HACL1: variants seen among roughly 807,000 people sequenced by gnomAD.
The protein encoded by HACL1 is 1600020H07Rik.
A neutral mutation model predicts 74.2 loss-of-function variants in HACL1; 64 were observed. The observed-to-expected ratio is 0.86, with a 90% confidence interval of 0.70 to 1.06. The LOEUF (loss-of-function observed/expected upper bound fraction) is 1.06. HACL1 is among the 50% of genes least tolerant of loss of function. The pLI, the probability that HACL1 is intolerant of heterozygous loss-of-function variation, is 0.00. For synonymous variants in HACL1, 230 were observed against 238.8 expected (o/e 0.96, Z 0.34); for missense variants, 728 against 719.7 (o/e 1.01, Z -0.13).
chr3:15,592,210 G>A lies in HACL1; in HGVS notation c.228-530C>T, dbSNP rs201874947. ...TACATACGTATATATGTATACATGC[G>A]TGTATATATGTATACATACGTATAT... is the stretch of plus-strand genomic sequence containing the variant. On this transcript the variant is annotated intron_variant, in intron 3 of 16. Coordinates refer to ENST00000321169, the MANE Select transcript of HACL1 (RefSeq NM_012260.4). Among the ~76,000 whole-genome samples, 747 of 113,432 alleles carry A rather than the reference G, an allele frequency of 6.6e-3. 11 individuals are homozygous for A. The highest frequency in any genetic ancestry group is 0.019 in the East Asian group (40 of 2,152). 74.4% of individuals were successfully genotyped at this position (113,432 alleles called of 152,430 possible).
At chr3:15,588,160 C>T (rs1266068334) in intron 5 of HACL1, among the ~76,000 whole-genome samples, 1 of 152,196 alleles carries the variant, frequency 6.6e-6, no homozygotes, top group Non-Finnish European at 1.5e-5. Flanking sequence ...TCCCAAAGTG[C>T]TGTGATTACA....
At chr3:15,570,064 C>T (rs1222495825) in intron 12 of HACL1, among the ~76,000 whole-genome samples, 2 of 151,346 alleles carry the variant, frequency 1.3e-5, no homozygotes, top group African/African-American at 2.4e-5. Context: ...AGGCCAGGCA[C>T]GGTGGCTCAT....
chr3:15,573,950 T>G (rs976484543), intron 10 of HACL1, among the ~76,000 whole-genome samples: 4 of 152,200 alleles, frequency 2.6e-5, no homozygotes, highest in African/African-American at 9.7e-5. Context: ...TCCAGGTAAC[T>G]CTGTCTTGTT....
Position 15,580,030 on chromosome 3 carries a change from T to A in HACL1, c.683A>T (p.His228Leu), listed in dbSNP as rs1443547071. 1 of 1,612,236 alleles carries A rather than the reference T, an allele frequency of 6.2e-7. No homozygotes were observed. Among genetic ancestry groups the A allele is most frequent in the Non-Finnish European group, 8.5e-7 (1 of 1,178,414 alleles). ...LIIGKGAAYA[H>L]AEESIKKLVE... ...CAATTTCTTGATACTCTCTTCTGCA[T>A]GAGCGTAAGCAGCACCTATAAGAAA... Residue 228 changes from histidine to leucine, a missense_variant, in exon 9 of 17, where the codon CAT (histidine) becomes CTT (leucine). Physicochemically the swap from His to Leu is moderately conservative, Grantham distance 99. Transcript: ENST00000321169.
intron 9 of HACL1, among the ~76,000 whole-genome samples, chr3:15,578,379 G>C (rs1028857590): frequency 6.6e-6 from 1 of 152,094 alleles, no homozygotes; most frequent in South Asian, 2.1e-4. Context: ...TAAAAAGCAT[G>C]CCTTAAAAAT....
intron 4 of HACL1, among the ~76,000 whole-genome samples, chr3:15,591,211 T>C (rs976595770): frequency 1.3e-5 from 2 of 152,216 alleles, no homozygotes; most frequent in African/African-American, 4.8e-5. Flanking sequence ...GTGAAATGAT[T>C]ACTACAGTCA....
At chr3:15,589,754 G>T (rs1416328422) in intron 4 of HACL1, 142 bp from the exon 5 acceptor site, 2 of 644,620 alleles carry the variant, frequency 3.1e-6, no homozygotes, top group Non-Finnish European at 5.4e-6. Flanking sequence ...GTAGATTAAG[G>T]CTGGGTGAGG....
At chr3:15,598,921 C>G (rs1462401888) in intron 2 of HACL1, among the ~76,000 whole-genome samples, 2 of 152,226 alleles carry the variant, frequency 1.3e-5, no homozygotes, top group Non-Finnish European at 1.5e-5. Flanking sequence ...CTCCTCCAAG[C>G]TGGCTCTTCC....
intron 11 of HACL1, among the ~76,000 whole-genome samples, 189 bp downstream of exon 11, chr3:15,572,970 G>A (rs779812480): frequency 6.6e-6 from 1 of 152,178 alleles, no homozygotes; most frequent in Admixed American, 6.5e-5. Flanking sequence ...ACATAAAAAT[G>A]AGCTATGTAC....
At chr3:15,585,802 G>A (rs1458218418) in intron 6 of HACL1, among the ~76,000 whole-genome samples, 1 of 152,164 alleles carries the variant, frequency 6.6e-6, no homozygotes, top group Non-Finnish European at 1.5e-5. Flanking sequence ...AATACAGGTT[G>A]AGTATCTGTA....
At chr3:15,579,362 T>C (rs557405571) in intron 9 of HACL1, among the ~76,000 whole-genome samples, 4 of 152,140 alleles carry the variant, frequency 2.6e-5, no homozygotes, top group African/African-American at 7.2e-5. Flanking sequence ...TCATGAAGTA[T>C]AGAAAAATAT....
Position 15,560,879 on chromosome 3 carries a change from G to A in HACL1, c.1723C>T (p.Arg575Cys), listed in dbSNP as rs141491413. The change falls in exon 17 of 17, where the codon CGC becomes TGC. Residue 575 changes from arginine to cysteine, a missense_variant. Coordinates refer to ENST00000321169, the MANE Select transcript of HACL1 (RefSeq NM_012260.4). The stretch of plus-strand genomic sequence containing the variant: ...GGCGTCTTTATTTACATATTAGAGC[G>A]GGTCAGCCAATGAAAATCCTAGAAA... ...RKAQDFHWLT[R>C]SNM 35 of 1,606,514 alleles carry A rather than the reference G, an allele frequency of 2.2e-5. No individual in the cohort carries two copies. The African/African-American group carries it at 2.9e-4, about 14-fold the overall frequency.
chr3:15,587,835 T>C (rs991492581), intron 5 of HACL1, among the ~76,000 whole-genome samples: 3 of 152,218 alleles, frequency 2.0e-5, no homozygotes, highest in Admixed American at 2.0e-4. Flanking sequence ...GAAATTTTAT[T>C]TTTTGAAGTT....
intron 5 of HACL1, among the ~76,000 whole-genome samples, chr3:15,588,201 G>C (rs2063826089): frequency 6.6e-6 from 1 of 152,134 alleles, no homozygotes; most frequent in Non-Finnish European, 1.5e-5. Flanking sequence ...GCTGTCTAAT[G>C]ATTTTAACTT....
chr3:15,583,634 TTC>T, intron 7 of HACL1, among the ~76,000 whole-genome samples: 1 of 151,046 alleles, frequency 6.6e-6, no homozygotes, highest in Non-Finnish European at 1.5e-5. Flanking sequence ...CTTACCACAT[TTC>T]TCTTTTTTTT....
intron 3 of HACL1, 38 bp downstream of exon 3, chr3:15,596,346 A>T: frequency 8.7e-7 from 1 of 1,143,990 alleles, no homozygotes; most frequent in Non-Finnish European, 1.3e-6. Flanking sequence ...CTACCCCAAA[A>T]TATTAAAGTA....
intron 12 of HACL1, among the ~76,000 whole-genome samples, chr3:15,571,369 T>G (rs892362221): frequency 6.6e-6 from 1 of 152,148 alleles, no homozygotes; most frequent in Admixed American, 6.5e-5. Context: ...TCACAGTAAC[T>G]CACAAGCTAC....
Position 15,596,363 on chromosome 3 carries a change from G to A in HACL1, c.227+21C>T, listed in dbSNP as rs2064064532. 13 of 1,434,138 alleles carry A rather than the reference G, an allele frequency of 9.1e-6. No homozygotes were observed. In the East Asian group the frequency reaches 3.0e-4, roughly 33 times the overall value. The allele number at this position is 1,434,138 out of a possible 1,614,324, so 88.8% of individuals were successfully genotyped here. A position where few individuals can be genotyped will look rare whatever the true frequency, so the allele number is the denominator to read the frequency against. ...ACCCCAAAATATTAAAGTAATTGAA[G>A]TGAAACAAATTTTAGTTTACCTGCT... On this transcript the variant is annotated intron_variant, in intron 3 of 16. Coordinates refer to ENST00000321169, the MANE Select transcript of HACL1 (RefSeq NM_012260.4).
rs200044512 is a variant in HACL1 at position 15,580,020 on chromosome 3, C to T, written c.693G>A (p.Glu231=). ...ATTGCTCCACCAATTTCTTGATACT[C>T]TCTTCTGCATGAGCGTAAGCAGCAC... ...GKGAAYAHAE[E]SIKKLVEQYK... is the part of the protein sequence containing the mutation. Residue 231 remains glutamate (E), a synonymous_variant, in exon 9 of 17, where the codon GAG becomes GAA. Transcript: ENST00000321169. The T allele has an allele frequency of 6.2e-7, 1 of 1,612,458 alleles. No individual in the cohort carries two copies. Among genetic ancestry groups the T allele is most frequent in the African/African-American group, 1.3e-5 (1 of 75,018 alleles).
Sources: gnomAD v4.1 joint callset for allele counts (sites outside exome capture counted in the v4.1 genomes callset) on GRCh38, gnomAD v4.1.1 for gene constraint, MANE v1.5 for transcripts, NCBI Gene and HGNC (gene_info 2026-07-23, HGNC 2026-07-21) for gene names.